SUZ12: variants seen among roughly 807,000 people sequenced by gnomAD.
SUZ12 encodes polycomb protein SUZ12.
Under a neutral mutation model 87.3 loss-of-function variants are expected in SUZ12, and 17 were observed. That is an observed-to-expected ratio of 0.19 (90% CI 0.13 to 0.29). SUZ12 has a LOEUF of 0.29. SUZ12 is among the 10% of genes least tolerant of loss of function. The probability of loss-of-function intolerance (pLI) is 1.00; values close to 1 mark genes in which losing one functional copy is unlikely to be tolerated. For missense variants in SUZ12, 526 were observed against 912.2 expected (o/e 0.58, Z 5.45); for synonymous variants, 253 against 312.4 (o/e 0.81, Z 2.01).
In SUZ12 at chr17:31,999,983, A is replaced by G. The variant is rs1910176878; in HGVS notation, c.*980A>G. ...TCTTTGTAATGTGTTTCATGAATAGAATATCCAATAGAGATAAGCTGACTT... is the reference window on the plus strand; with the variant it reads ...TCTTTGTAATGTGTTTCATGAATAGGATATCCAATAGAGATAAGCTGACTT... On this transcript the variant is annotated 3_prime_UTR_variant, in exon 16 of 16. Coordinates refer to ENST00000322652, the MANE Select transcript of SUZ12 (RefSeq NM_015355.4). The G allele has an allele frequency of 8.6e-6, 2 of 232,684 alleles. No homozygotes were observed. The highest frequency in any genetic ancestry group is 3.6e-4 in the South Asian group (2 of 5,536). The allele number at this position is 232,684 out of a possible 1,614,324, so 14.4% of individuals were successfully genotyped here.
chr17:31,941,463 G>T (rs570308317), intron 3 of SUZ12, among the ~76,000 whole-genome samples: 8 of 152,010 alleles, frequency 5.3e-5, no homozygotes, highest in African/African-American at 1.7e-4. Context: ...CCCCATGTTG[G>T]CCAGGCTGGT....
rs529133391 is a variant in SUZ12, at chr17:31,999,544, A to T, written c.*541A>T. ...TCCTTGTTTTTGAAATCATTTGTCA[A>T]TTCGGAATGAAAAATTATAATGTAA... On this transcript the variant is annotated 3_prime_UTR_variant, in exon 16 of 16. Coordinates refer to ENST00000322652, the MANE Select transcript of SUZ12 (RefSeq NM_015355.4). The T allele has an allele frequency of 1.7e-5, 4 of 231,106 alleles. No individual in the cohort carries two copies. Among genetic ancestry groups the T allele is most frequent in the East Asian group, 1.2e-4 (2 of 16,188 alleles). 14.3% of individuals were successfully genotyped at this position (231,106 alleles called of 1,614,324 possible).
rs1598178980 is a variant in SUZ12, at chr17:31,982,005, A to T, written c.918-994A>T. ...AGCCAGTTTCTTGATATATACAGTT[A>T]ATTACTGAGCATGGTTGAAGAATGG... On this transcript the variant is annotated intron_variant, in intron 8 of 15. Coordinates refer to ENST00000322652, the MANE Select transcript of SUZ12 (RefSeq NM_015355.4). 2.6e-5 allele frequency among the ~76,000 whole-genome samples: 4 copies of T among 152,188 alleles called. No individual in the cohort carries two copies. The South Asian group carries it at 8.3e-4, about 31-fold the overall frequency.
intron 8 of SUZ12, among the ~76,000 whole-genome samples, chr17:31,981,647 T>C (rs1429773374): frequency 6.6e-6 from 1 of 151,638 alleles, no homozygotes; most frequent in East Asian, 1.9e-4. Flanking sequence ...TGATGTACTA[T>C]TGAAGTTGAC....
intron 8 of SUZ12, among the ~76,000 whole-genome samples, chr17:31,979,354 C>A (rs545628411): frequency 1.1e-4 from 16 of 152,160 alleles, no homozygotes; most frequent in African/African-American, 3.1e-4. Context: ...ACCACCGTAC[C>A]CTTATGAGGA....
At chr17:31,988,188 A>G in intron 9 of SUZ12, 132 bp from the exon 10 acceptor site, 1 of 825,926 alleles carries the variant, frequency 1.2e-6, no homozygotes, top group Non-Finnish European at 1.8e-6. Flanking sequence ...CGTCTCAGTC[A>G]GCATTTGGAT....
chr17:31,987,184 G>A (rs1000588526), intron 9 of SUZ12, among the ~76,000 whole-genome samples: 1 of 152,036 alleles, frequency 6.6e-6, no homozygotes, highest in Non-Finnish European at 1.5e-5. Flanking sequence ...TTTAGCTTAG[G>A]GTCACTAGTA....
At chr17:31,984,804 G>T (rs1909315130) in intron 9 of SUZ12, among the ~76,000 whole-genome samples, 1 of 152,192 alleles carries the variant, frequency 6.6e-6, no homozygotes. Flanking sequence ...AAGTTTGACA[G>T]TTTCTAGTGT....
intron 4 of SUZ12, among the ~76,000 whole-genome samples, chr17:31,957,894 C>CTTTTTT (rs1567818962): frequency 9.7e-5 from 12 of 123,284 alleles, no homozygotes; most frequent in African/African-American, 2.9e-4. Flanking sequence ...CACCTTTTGT[C>CTTTTTT]CTTTTTTTTT....
At chr17:31,971,315 A>G (rs1459805949) in intron 5 of SUZ12, among the ~76,000 whole-genome samples, 4 of 151,986 alleles carry the variant, frequency 2.6e-5, no homozygotes, top group Non-Finnish European at 5.9e-5. Flanking sequence ...AACATGTATA[A>G]TGGTAACTGA....
chr17:31,961,880 A>G (rs1398659809), intron 4 of SUZ12, among the ~76,000 whole-genome samples: 8 of 152,216 alleles, frequency 5.3e-5, no homozygotes, highest in Non-Finnish European at 1.0e-4. Context: ...CTGCAGTGTA[A>G]TGGGCCATCA....
intron 3 of SUZ12, among the ~76,000 whole-genome samples, chr17:31,946,594 G>A (rs146764371): frequency 0.11 from 16,072 of 152,192 alleles, 1,062 homozygotes; most frequent in Middle Eastern, 0.15. Context: ...GAGATTATTC[G>A]TAATTTTTGG....
At position 31,976,560 on chromosome 17, in the gene SUZ12, G is replaced by A. The variant is rs370395074; in HGVS notation, c.863G>A (p.Arg288His). 8.1e-6 allele frequency: 13 copies of A among 1,613,132 alleles called. No homozygotes were observed. Among genetic ancestry groups the A allele is most frequent in the Middle Eastern group, 1.6e-4 (1 of 6,074 alleles). ...EELPARRKRN[R>H]EDGEKTFVAQ... ...CTTCCAGCCAGAAGAAAACGAAATCGTGAGGATGGGGAAAAGACATTTGTT... is the reference window on the plus strand; with the variant it reads ...CTTCCAGCCAGAAGAAAACGAAATCATGAGGATGGGGAAAAGACATTTGTT... The change falls in exon 8 of 16, where the codon CGT (arginine) becomes CAT (histidine). Residue 288 changes from arginine to histidine, a missense_variant. Physicochemically the swap from Arg to His is conservative, Grantham distance 29. Transcript: ENST00000322652.
chr17:31,960,367 C>T (rs1386798032), intron 4 of SUZ12, among the ~76,000 whole-genome samples: 3 of 151,938 alleles, frequency 2.0e-5, no homozygotes, highest in Admixed American at 6.6e-5. Flanking sequence ...CCTGCCACCA[C>T]GGCCAGCTAA....
chr17:31,994,078 A>G (rs556637013), intron 12 of SUZ12, 70 bp downstream of exon 12: 91 of 1,421,704 alleles, frequency 6.4e-5, no homozygotes, highest in East Asian at 3.6e-4. Flanking sequence ...ATATACATCT[A>G]TGTACCCACA....
chr17:31,943,774 C>T (rs1357076207), intron 3 of SUZ12, among the ~76,000 whole-genome samples: 1 of 151,894 alleles, frequency 6.6e-6, no homozygotes, highest in Non-Finnish European at 1.5e-5. Context: ...AATTTCGGCT[C>T]ACTGCAGTCT....
chr17:31,961,089 T>C (rs1216772464), intron 4 of SUZ12, among the ~76,000 whole-genome samples: 1 of 151,860 alleles, frequency 6.6e-6, no homozygotes, highest in East Asian at 1.9e-4. Context: ...AGCATGTGCC[T>C]GACTCCCAGC....
chr17:31,982,657 A>G (rs1454549966), intron 8 of SUZ12, among the ~76,000 whole-genome samples: 3 of 150,480 alleles, frequency 2.0e-5, no homozygotes, highest in Non-Finnish European at 4.5e-5. Flanking sequence ...GCAAGACTCC[A>G]TCTCAAATAA....
chr17:31,943,069 T>G (rs1472678515), intron 3 of SUZ12, among the ~76,000 whole-genome samples: 1 of 152,242 alleles, frequency 6.6e-6, no homozygotes, highest in African/African-American at 2.4e-5. Flanking sequence ...GAAAATTATT[T>G]GTCTTTTGGC....
Sources: gnomAD v4.1 joint callset for allele counts (sites outside exome capture counted in the v4.1 genomes callset) on GRCh38, gnomAD v4.1.1 for gene constraint, MANE v1.5 for transcripts, NCBI Gene and HGNC (gene_info 2026-07-23, HGNC 2026-07-21) for gene names.